BRINP1: variants seen among roughly 807,000 people sequenced by gnomAD.
BRINP1 encodes BMP/retinoic acid inducible neural specific 1.
In BRINP1, 17 loss-of-function variants were observed where a neutral mutation model predicts 72.9. The ratio of observed to expected loss-of-function variants is 0.23; its 90% CI spans 0.16 to 0.35. The LOEUF (loss-of-function observed/expected upper bound fraction) is 0.35, where lower values mean the gene tolerates loss of function less well. Ranked by LOEUF, BRINP1 falls within the 10% of genes least tolerant of loss-of-function variation. The pLI is 1.00. For synonymous variants in BRINP1, 418 were observed against 378.5 expected (o/e 1.10, Z -1.21); for missense variants, 850 against 1,001.6 (o/e 0.85, Z 2.04).
intron 2 of BRINP1, among the ~76,000 whole-genome samples, chr9:119,266,729 C>A (rs533360185): frequency 6.6e-6 from 1 of 152,306 alleles, no homozygotes; most frequent in South Asian, 2.1e-4. Flanking sequence ...CTAGCTTCCA[C>A]ATGTAAGTGA....
At chr9:119,247,514 G>T (rs1830333751) in intron 3 of BRINP1, among the ~76,000 whole-genome samples, 1 of 152,060 alleles carries the variant, frequency 6.6e-6, no homozygotes. Flanking sequence ...AATTAGCCGG[G>T]CATGGTGGTG....
At chr9:119,191,340 G>T (rs1829681653) in intron 7 of BRINP1, among the ~76,000 whole-genome samples, 1 of 151,626 alleles carries the variant, frequency 6.6e-6, no homozygotes, top group African/African-American at 2.4e-5. Flanking sequence ...GGAAGAAGTA[G>T]AATAAACTCT....
intron 2 of BRINP1, among the ~76,000 whole-genome samples, chr9:119,254,288 G>T (rs1830423737): frequency 6.6e-6 from 1 of 152,168 alleles, no homozygotes. Context: ...TCACGGGGAG[G>T]AGGCTGCGAT....
rs112641044 is a variant in BRINP1, at chr9:119,175,135, CA to C, written c.1146-6912del. ...AGTAAAGTATAAAAAAAAAAAAAGA[CA>C]AAAAAAAAAAGAAAATGTGGCACAT... On this transcript the variant is annotated intron_variant, in intron 7 of 7. Coordinates refer to ENST00000265922, the MANE Select transcript of BRINP1 (RefSeq NM_014618.3). 5.3e-3 allele frequency among the ~76,000 whole-genome samples: 560 copies of C among 106,556 alleles called. 1 individual carries two copies. Among genetic ancestry groups the C allele is most frequent in the African/African-American group, 0.013 (362 of 27,944 alleles). The allele number at this position is 106,556 out of a possible 152,430, so 69.9% of individuals were successfully genotyped here. A position where few individuals can be genotyped will look rare whatever the true frequency, so the allele number is the denominator to read the frequency against.
intron 1 of BRINP1, among the ~76,000 whole-genome samples, chr9:119,314,699 G>T (rs1831108001): frequency 6.6e-6 from 1 of 152,100 alleles, no homozygotes; most frequent in Non-Finnish European, 1.5e-5. Flanking sequence ...TTGAAAGGCA[G>T]CTTTAAATCC....
At chr9:119,305,139 A>G (rs1358814366) in intron 2 of BRINP1, among the ~76,000 whole-genome samples, 2 of 152,250 alleles carry the variant, frequency 1.3e-5, no homozygotes, top group African/African-American at 4.8e-5. Flanking sequence ...ATTTGAATGG[A>G]ATAGAATAGA....
chr9:119,187,617 A>C (rs912041387), intron 7 of BRINP1, among the ~76,000 whole-genome samples: 1 of 152,194 alleles, frequency 6.6e-6, no homozygotes, highest in Non-Finnish European at 1.5e-5. Context: ...TTGTCCACTA[A>C]ATGCACAGAT....
intron 2 of BRINP1, among the ~76,000 whole-genome samples, chr9:119,285,727 A>G (rs562107430): frequency 6.6e-6 from 1 of 152,026 alleles, no homozygotes. Flanking sequence ...TCATCTAACT[A>G]TCCCTTAGGT....
Position 119,170,925 on chromosome 9 carries a change from A to C in BRINP1, c.1146-2701T>G, listed in dbSNP as rs1182893674. Reference sequence around the variant, plus strand: ...GAAATAAAATACTTTACAGACAAGCAAATGCTGAGAGATTTTGTCACCACC... The same window carrying C: ...GAAATAAAATACTTTACAGACAAGCCAATGCTGAGAGATTTTGTCACCACC... On this transcript the variant is annotated intron_variant, in intron 7 of 7. Coordinates refer to ENST00000265922, the MANE Select transcript of BRINP1 (RefSeq NM_014618.3). 2.6e-4 allele frequency among the ~76,000 whole-genome samples: 38 copies of C among 144,600 alleles called. No individual in the cohort carries two copies. The Middle Eastern group carries it at 0.011, about 41-fold the overall frequency. The allele number at this position is 144,600 out of a possible 152,430, so 94.9% of individuals were successfully genotyped here. A position where few individuals can be genotyped will look rare whatever the true frequency, so the allele number is the denominator to read the frequency against.
chr9:119,292,824 T>C (rs1830835471), intron 2 of BRINP1, among the ~76,000 whole-genome samples: 1 of 152,218 alleles, frequency 6.6e-6, no homozygotes, highest in Non-Finnish European at 1.5e-5. Context: ...GCTGCTTGTA[T>C]GTTTGTATTT....
chr9:119,203,707 C>T (rs1829826059), intron 7 of BRINP1, among the ~76,000 whole-genome samples: 1 of 152,162 alleles, frequency 6.6e-6, no homozygotes, highest in Non-Finnish European at 1.5e-5. Flanking sequence ...CAGTCTAACT[C>T]CAGAATCTTT....
At chr9:119,358,084 T>G (rs1398311046) in intron 1 of BRINP1, among the ~76,000 whole-genome samples, 1 of 152,160 alleles carries the variant, frequency 6.6e-6, no homozygotes, top group Non-Finnish European at 1.5e-5. Flanking sequence ...ATGGGGAGAA[T>G]AGTTACAATT....
At chr9:119,206,440 A>AAAAAG (rs1564216855) in intron 7 of BRINP1, among the ~76,000 whole-genome samples, 1 of 141,246 alleles carries the variant, frequency 7.1e-6, no homozygotes, top group Non-Finnish European at 1.5e-5. Context: ...AAAAAAAAAA[A>AAAAAG]AGAGAGAGAG....
At chr9:119,209,765 C>A (rs896377012) in intron 6 of BRINP1, among the ~76,000 whole-genome samples, 1 of 152,144 alleles carries the variant, frequency 6.6e-6, no homozygotes, top group Non-Finnish European at 1.5e-5. Context: ...AGGCAATTAG[C>A]AAGTGTTAGG....
At chr9:119,351,389 T>C (rs190905213) in intron 1 of BRINP1, among the ~76,000 whole-genome samples, 4 of 152,012 alleles carry the variant, frequency 2.6e-5, no homozygotes, top group Admixed American at 6.5e-5. Context: ...TCTGAGGTCC[T>C]GTAGAAGAAC....
At chr9:119,352,487 G>A (rs1564255408) in intron 1 of BRINP1, among the ~76,000 whole-genome samples, 3 of 152,082 alleles carry the variant, frequency 2.0e-5, no homozygotes, top group Non-Finnish European at 4.4e-5. Context: ...AGGCTGGAGT[G>A]CAGTGGTGCG....
intron 1 of BRINP1, among the ~76,000 whole-genome samples, chr9:119,357,546 C>T (rs1036997040): frequency 1.3e-5 from 2 of 152,014 alleles, no homozygotes; most frequent in African/African-American, 2.4e-5. Context: ...GATTTCCTGC[C>T]GAGGCACTGT....
At chr9:119,213,392 A>G (rs1210585915) in intron 6 of BRINP1, among the ~76,000 whole-genome samples, 1 of 152,240 alleles carries the variant, frequency 6.6e-6, no homozygotes, top group African/African-American at 2.4e-5. Flanking sequence ...TGAACTATGA[A>G]AGGCAGAAAA....
chr9:119,185,251 C>T (rs774430556), intron 7 of BRINP1, among the ~76,000 whole-genome samples: 9 of 152,074 alleles, frequency 5.9e-5, no homozygotes, highest in East Asian at 1.9e-4. Flanking sequence ...ATGGTACATT[C>T]GCCCCCACTT....
Sources: gnomAD v4.1 joint callset for allele counts (sites outside exome capture counted in the v4.1 genomes callset) on GRCh38, gnomAD v4.1.1 for gene constraint, MANE v1.5 for transcripts, NCBI Gene and HGNC (gene_info 2026-07-23, HGNC 2026-07-21) for gene names.